Variants in SIM1 observed in about 807,000 individuals in gnomAD.
The protein encoded by SIM1 is single-minded homolog 1.
SIM1 carries 18 observed loss-of-function variants against 78.2 expected under a neutral mutation model. The ratio of observed to expected loss-of-function variants is 0.23; its 90% confidence interval spans 0.16 to 0.34. SIM1 has a LOEUF of 0.34. Among genes scored for constraint, SIM1 ranks in the 10% least tolerant of loss-of-function variants. SIM1 has a pLI of 1.00. For missense variants in SIM1, 939 were observed against 975.1 expected, an observed-to-expected ratio of 0.96 and a Z score of 0.49; for synonymous variants, 417 against 385.2, an observed-to-expected ratio of 1.08 and a Z score of -0.97.
chr6:100,419,430 C>T (rs1038435694), intron 10 of SIM1, among the ~76,000 whole-genome samples: 4 of 152,122 alleles, frequency 2.6e-5, no homozygotes, highest in Non-Finnish European at 5.9e-5. Context: ...CAAATAGTAG[C>T]CTCTTAGTGA....
At chr6:100,399,151 T>C (rs1770845780) in intron 10 of SIM1, among the ~76,000 whole-genome samples, 1 of 152,124 alleles carries the variant, frequency 6.6e-6, no homozygotes, top group African/African-American at 2.4e-5. Flanking sequence ...CTTTTGTTGT[T>C]ATTGAGTTGC....
chr6:100,450,544 C>G (rs150084043), intron 3 of SIM1, among the ~76,000 whole-genome samples, 188 bp from the exon 4 acceptor site: 1 of 152,278 alleles, frequency 6.6e-6, no homozygotes, highest in East Asian at 1.9e-4. Flanking sequence ...TTGTAAACAT[C>G]TGGGGCATGC....
intron 9 of SIM1, among the ~76,000 whole-genome samples, chr6:100,421,705 T>A (rs1771592840): frequency 2.0e-5 from 3 of 152,138 alleles, no homozygotes; most frequent in Admixed American, 6.5e-5. Context: ...AAAGGTATAC[T>A]TGAGATATCT....
chr6:100,439,923 A>G (rs190243996), intron 9 of SIM1, among the ~76,000 whole-genome samples: 1 of 152,294 alleles, frequency 6.6e-6, no homozygotes, highest in East Asian at 1.9e-4. Context: ...AGCCTAACCA[A>G]ACTGCAGAAA....
chr6:100,420,240 T>A (rs1415814784), intron 10 of SIM1, among the ~76,000 whole-genome samples: 1 of 152,214 alleles, frequency 6.6e-6, no homozygotes, highest in African/African-American at 2.4e-5. Flanking sequence ...TGGGGTCTCA[T>A]CTTCTCTCTA....
chr6:100,387,366 GAC>G lies in SIM1; in HGVS notation c.*2993_*2994del, dbSNP rs1306807352. On this transcript the variant is annotated 3_prime_UTR_variant, in exon 12 of 12. Coordinates refer to ENST00000369208, the MANE Select transcript of SIM1 (RefSeq NM_005068.3). ...GTTATTTTATATACTATTTTTAAAAGACACAGATGACATCTTCATTATGAGGA... is the reference window on the plus strand; with the variant it reads ...GTTATTTTATATACTATTTTTAAAAGACAGATGACATCTTCATTATGAGGA... 2 of 152,128 alleles carry G rather than the reference GAC, an allele frequency of 1.3e-5. No individual in the cohort carries two copies. The highest frequency in any genetic ancestry group is 1.3e-4 in the Admixed American group (2 of 15,276). 9.4% of individuals were successfully genotyped at this position (152,128 alleles called of 1,614,324 possible).
chr6:100,386,664 C>T lies in SIM1; in HGVS notation c.*3697G>A, dbSNP rs1770520473. ...TTAAGTGGGATTCTCTGCCCAGAGGCAGCATGTGACAACACGGTATAGAGT... is the reference window on the plus strand; with the variant it reads ...TTAAGTGGGATTCTCTGCCCAGAGGTAGCATGTGACAACACGGTATAGAGT... On this transcript the variant is annotated 3_prime_UTR_variant, in exon 12 of 12. Transcript: ENST00000369208. 6.6e-6 allele frequency: 1 copy of T among 152,118 alleles called. No homozygotes were observed. Among genetic ancestry groups the T allele is most frequent in the South Asian group, 2.1e-4 (1 of 4,830 alleles). 9.4% of individuals were successfully genotyped at this position (152,118 alleles called of 1,614,324 possible).
At chr6:100,396,463 G>T (rs1484424216) in intron 10 of SIM1, among the ~76,000 whole-genome samples, 1 of 152,006 alleles carries the variant, frequency 6.6e-6, no homozygotes, top group Non-Finnish European at 1.5e-5. Context: ...GACAACCTGG[G>T]CATACAGGAG....
intron 2 of SIM1, among the ~76,000 whole-genome samples, chr6:100,454,679 T>C (rs752192854): frequency 6.6e-6 from 1 of 152,238 alleles, no homozygotes; most frequent in African/African-American, 2.4e-5. Flanking sequence ...CTTTCTCTCC[T>C]TGGTGTTTCC....
chr6:100,421,722 T>G lies in SIM1; in HGVS notation c.999-764A>C, dbSNP rs78207282. 4.2e-3 allele frequency among the ~76,000 whole-genome samples: 637 copies of G among 152,304 alleles called. 7 individuals carry two copies. The highest frequency in any genetic ancestry group is 0.015 in the African/African-American group (620 of 41,564). ...AGGTATACTTGAGATATCTAGAGCCTGAAGATGACAGCCTTGGCCTGCCCA... is the reference window on the plus strand; with the variant it reads ...AGGTATACTTGAGATATCTAGAGCCGGAAGATGACAGCCTTGGCCTGCCCA... On this transcript the variant is annotated intron_variant, in intron 9 of 11. Transcript: ENST00000369208.
chr6:100,447,670 A>C (rs970913349), intron 8 of SIM1, among the ~76,000 whole-genome samples: 36 of 152,330 alleles, frequency 2.4e-4, no homozygotes, highest in Admixed American at 1.3e-3. Context: ...AGGGAGGAAC[A>C]CTTAGAGTTT....
intron 10 of SIM1, among the ~76,000 whole-genome samples, chr6:100,419,322 A>G (rs1771500130): frequency 6.6e-6 from 1 of 152,202 alleles, no homozygotes; most frequent in Admixed American, 6.5e-5. Flanking sequence ...AGAGTAAAGA[A>G]ACCTGATCTT....
intron 9 of SIM1, among the ~76,000 whole-genome samples, chr6:100,432,824 C>T (rs1164294515): frequency 6.6e-6 from 1 of 152,164 alleles, no homozygotes; most frequent in Non-Finnish European, 1.5e-5. Flanking sequence ...GCTTACATGA[C>T]ATTTCCACTC....
chr6:100,456,168 C>G (rs1273334998), intron 2 of SIM1, among the ~76,000 whole-genome samples: 2 of 152,068 alleles, frequency 1.3e-5, no homozygotes, highest in African/African-American at 2.4e-5. Flanking sequence ...TGGCTACTCT[C>G]GTCTACCTGC....
intron 3 of SIM1, 45 bp from the exon 4 acceptor site, chr6:100,450,401 C>T (rs780172813): frequency 1.3e-6 from 2 of 1,549,668 alleles, no homozygotes; most frequent in South Asian, 2.2e-5. Flanking sequence ...TCTGGGCCAT[C>T]TGGAGAAATG....
chr6:100,400,909 A>G (rs1770898429), intron 10 of SIM1, among the ~76,000 whole-genome samples: 2 of 152,128 alleles, frequency 1.3e-5, no homozygotes, highest in Middle Eastern at 3.2e-3. Flanking sequence ...ATCTCGGGGA[A>G]AAACTGTTGA....
rs747656804 is a variant in SIM1, at chr6:100,390,867, C to T, written c.1795G>A (p.Gly599Arg). The T allele has an allele frequency of 3.2e-5, 52 of 1,613,996 alleles. No individual in the cohort carries two copies. The highest frequency in any genetic ancestry group is 4.1e-5 in the Non-Finnish European group (48 of 1,180,014). ...SDQLASINGA[G>R]KKHSLCFANY... ...GCAAAACACAGGGAGTGTTTTTTCCCAGCCCCATTAATGGAAGCCAGTTGG... is the reference window on the plus strand; with the variant it reads ...GCAAAACACAGGGAGTGTTTTTTCCTAGCCCCATTAATGGAAGCCAGTTGG... The change falls in exon 12 of 12, where the codon GGG becomes AGG. Residue 599 changes from glycine (G) to arginine (R), a missense_variant. Physicochemically the swap from Gly to Arg is moderately radical, Grantham distance 125. Coordinates refer to ENST00000369208, the MANE Select transcript of SIM1 (RefSeq NM_005068.3).
At chr6:100,459,517 A>T (rs1469456873) in intron 2 of SIM1, among the ~76,000 whole-genome samples, 1 of 152,146 alleles carries the variant, frequency 6.6e-6, no homozygotes, top group Non-Finnish European at 1.5e-5. Context: ...GCCTTAAATC[A>T]CCGACCCACG....
At chr6:100,428,147 A>G (rs2114514090) in intron 9 of SIM1, among the ~76,000 whole-genome samples, 1 of 152,344 alleles carries the variant, frequency 6.6e-6, no homozygotes, top group Middle Eastern at 3.4e-3. Flanking sequence ...ATTTAAAAAA[A>G]GCAAATCATG....
Sources: allele counts gnomAD v4.1 joint callset (sites outside exome capture counted in the v4.1 genomes callset), GRCh38; gene constraint gnomAD v4.1.1; transcripts MANE v1.5; gene names NCBI Gene and HGNC (gene_info 2026-07-23, HGNC 2026-07-21).